The following RCOR1 variants were observed in gnomAD, a reference collection of about 807,000 sequenced individuals.
The protein encoded by RCOR1 is REST corepressor 1.
In RCOR1, 12 loss-of-function variants were observed where a neutral mutation model predicts 64.0. The ratio of observed to expected loss-of-function variants is 0.19; its 90% CI spans 0.12 to 0.30. The LOEUF is 0.30. Ranked by LOEUF, RCOR1 falls within the 10% of genes least tolerant of loss-of-function variation. RCOR1 has a pLI of 1.00. For missense variants in RCOR1, 502 were observed against 621.2 expected, an observed-to-expected ratio of 0.81 and a Z score of 2.04; for synonymous variants, 279 against 227.2, an observed-to-expected ratio of 1.23 and a Z score of -2.05.
intron 2 of RCOR1, among the ~76,000 whole-genome samples, chr14:102,653,105 G>T (rs1257141663): frequency 6.6e-6 from 1 of 151,932 alleles, no homozygotes; most frequent in African/African-American, 2.4e-5. Flanking sequence ...TGTATTTTTA[G>T]TAGAGACAGG....
At chr14:102,641,479 A>C (rs571322174) in intron 2 of RCOR1, among the ~76,000 whole-genome samples, 2 of 151,956 alleles carry the variant, frequency 1.3e-5, no homozygotes, top group East Asian at 3.9e-4. Context: ...GTTCTCCTTT[A>C]GTCCCAGCTA....
chr14:102,634,612 GTA>G (rs750530295), intron 2 of RCOR1, among the ~76,000 whole-genome samples: 167 of 150,808 alleles, frequency 1.1e-3, no homozygotes, highest in Middle Eastern at 3.5e-3. Flanking sequence ...GTGTGTGTGT[GTA>G]TGTATGTGTG....
At chr14:102,605,067 C>CAAAAA (rs71119718) in intron 2 of RCOR1, among the ~76,000 whole-genome samples, 5 of 93,992 alleles carry the variant, frequency 5.3e-5, no homozygotes, top group African/African-American at 8.3e-5. Flanking sequence ...TATTCCATCT[C>CAAAAA]AAAAAAAAAA....
chr14:102,690,650 A>AC (rs1352122571), intron 3 of RCOR1, among the ~76,000 whole-genome samples: 7 of 152,068 alleles, frequency 4.6e-5, no homozygotes, highest in African/African-American at 1.4e-4. Flanking sequence ...CACATGGCTC[A>AC]CCCCCCAGTT....
rs144841203 is a variant in RCOR1, at chr14:102,597,766, C to T, written c.361+4441C>T. 4.5e-4 allele frequency among the ~76,000 whole-genome samples: 68 copies of T among 150,586 alleles called. 1 individual carries two copies. In the East Asian group the frequency reaches 0.013, roughly 29 times the overall value. On this transcript the variant is annotated intron_variant, in intron 2 of 11. Coordinates refer to ENST00000262241, the MANE Select transcript of RCOR1 (RefSeq NM_015156.4). ...CTCCTGCCTCAGCCTCCTCAGTAGC[C>T]GGGATTACAGGCGTGTGCCACTATG... is the stretch of plus-strand genomic sequence containing the variant.
intron 8 of RCOR1, among the ~76,000 whole-genome samples, chr14:102,717,575 T>C (rs1281090114): frequency 6.6e-6 from 1 of 152,220 alleles, no homozygotes; most frequent in African/African-American, 2.4e-5. Flanking sequence ...AGAGAGCATT[T>C]GAAGTTCTGT....
chr14:102,654,733 A>AGAAAAAAAAT (rs1894686243), intron 2 of RCOR1, among the ~76,000 whole-genome samples: 1 of 151,830 alleles, frequency 6.6e-6, no homozygotes, highest in Non-Finnish European at 1.5e-5. Flanking sequence ...TTTTAAAAAA[A>AGAAAAAAAAT]GAAAAAAAAT....
intron 2 of RCOR1, among the ~76,000 whole-genome samples, chr14:102,645,534 T>C (rs1894460656): frequency 6.6e-6 from 1 of 152,198 alleles, no homozygotes; most frequent in African/African-American, 2.4e-5. Flanking sequence ...CCTGATAGTT[T>C]CCTTGTTGAG....
intron 3 of RCOR1, among the ~76,000 whole-genome samples, chr14:102,699,534 A>G (rs2139976916): frequency 1.3e-5 from 2 of 152,332 alleles, no homozygotes; most frequent in Middle Eastern, 6.8e-3. Flanking sequence ...AGCTGGGAGC[A>G]TGCTTTTGGT....
intron 2 of RCOR1, among the ~76,000 whole-genome samples, chr14:102,680,194 A>G (rs1218920547): frequency 1.3e-5 from 2 of 151,988 alleles, no homozygotes; most frequent in Non-Finnish European, 2.9e-5. Context: ...TTGCTGGTAT[A>G]TAGAAATAGA....
At chr14:102,712,075 C>T (rs1264134135) in intron 7 of RCOR1, among the ~76,000 whole-genome samples, 1 of 151,976 alleles carries the variant, frequency 6.6e-6, no homozygotes, top group Non-Finnish European at 1.5e-5. Flanking sequence ...GCAGTGGCAC[C>T]ATGACTCACT....
intron 2 of RCOR1, among the ~76,000 whole-genome samples, chr14:102,632,415 C>T (rs938005504): frequency 6.6e-6 from 1 of 150,388 alleles, no homozygotes; most frequent in African/African-American, 2.5e-5. Context: ...GACGGGGTTT[C>T]AACGTGTTCT....
At chr14:102,627,229 A>T (rs932395954) in intron 2 of RCOR1, among the ~76,000 whole-genome samples, 7 of 152,200 alleles carry the variant, frequency 4.6e-5, no homozygotes, top group African/African-American at 1.7e-4. Flanking sequence ...CTGTGCACGT[A>T]TACTAGGCTC....
At position 102,621,503 on chromosome 14, in the gene RCOR1, G is replaced by A. The variant is rs559704779; in HGVS notation, c.361+28178G>A. Among the ~76,000 whole-genome samples, 3 of 151,278 alleles carry A rather than the reference G, an allele frequency of 2.0e-5. No individual in the cohort carries two copies. The East Asian group carries it at 5.8e-4, about 29-fold the overall frequency. ...TGATCCTCCCACCTTGGCCTCCAAA[G>A]TGTTTGGATTACAGGCATGAGCCAC... On this transcript the variant is annotated intron_variant, in intron 2 of 11. Transcript: ENST00000262241.
chr14:102,640,461 A>G (rs921672974), intron 2 of RCOR1, among the ~76,000 whole-genome samples: 9 of 152,146 alleles, frequency 5.9e-5, no homozygotes, highest in Non-Finnish European at 1.3e-4. Context: ...AGTTCTTCCG[A>G]CTCTCAAAGA....
intron 2 of RCOR1, chr14:102,657,302 A>G: frequency 1.6e-5 from 16 of 985,270 alleles, no homozygotes; most frequent in Admixed American, 6.1e-5. Context: ...TTTAGGCGAT[A>G]TGTCCTCATG....
intron 2 of RCOR1, among the ~76,000 whole-genome samples, chr14:102,610,109 A>G (rs1243821086): frequency 2.0e-5 from 3 of 151,958 alleles, no homozygotes; most frequent in African/African-American, 4.8e-5. Flanking sequence ...CAGCCTGGGC[A>G]ACAAGAGCGA....
Position 102,710,770 on chromosome 14 carries a change from A to G in RCOR1, c.780-165A>G, listed in dbSNP as rs569106605. 1.5e-4 allele frequency: 89 copies of G among 601,320 alleles called. No individual in the cohort carries two copies. In the Middle Eastern group the frequency reaches 2.3e-3, roughly 15 times the overall value. 37.2% of individuals were successfully genotyped at this position (601,320 alleles called of 1,614,324 possible). A position where few individuals can be genotyped will look rare whatever the true frequency, so the allele number is the denominator to read the frequency against. ...TTGGTATTCTGTTTGAATTACAAAGATGTTTTTATCTCAGCAGCCTGAAAA... is the reference window on the plus strand; with the variant it reads ...TTGGTATTCTGTTTGAATTACAAAGGTGTTTTTATCTCAGCAGCCTGAAAA... On this transcript the variant is annotated intron_variant, in intron 6 of 11. Coordinates refer to ENST00000262241, the MANE Select transcript of RCOR1 (RefSeq NM_015156.4).
chr14:102,708,391 C>G, intron 5 of RCOR1, 74 bp from the exon 6 acceptor site: 1 of 885,834 alleles, frequency 1.1e-6, no homozygotes, highest in Non-Finnish European at 1.9e-6. Flanking sequence ...TGAGCCGCTG[C>G]GCCCGGCCTT....
Sources: allele counts gnomAD v4.1 joint callset (sites outside exome capture counted in the v4.1 genomes callset), GRCh38; gene constraint gnomAD v4.1.1; transcripts MANE v1.5; gene names NCBI Gene and HGNC (gene_info 2026-07-23, HGNC 2026-07-21).